OGT: variants seen among roughly 807,000 people sequenced by gnomAD.
OGT encodes the protein O-linked N-acetylglucosamine (GlcNAc) transferase, also known as UDP-N-acetylglucosamine--peptide N-acetylglucosaminyltransferase 110 kDa subunit.
OGT carries 3 observed loss-of-function variants against 75.8 expected under a neutral mutation model. The ratio of observed to expected loss-of-function variants is 0.04; its 90% CI spans 0.02 to 0.10. The LOEUF (loss-of-function observed/expected upper bound fraction) is 0.10. Ranked by LOEUF, OGT falls within the 10% of genes least tolerant of loss-of-function variation. The pLI, the probability that OGT is intolerant of heterozygous loss-of-function variation, is 1.00. For missense variants in OGT, 260 were observed against 824.4 expected, an observed-to-expected ratio of 0.32 and a Z score of 8.38; for synonymous variants, 257 against 289.7, an observed-to-expected ratio of 0.89 and a Z score of 1.15.
At chrX:71,551,069 T>A in intron 5 of OGT, among the ~76,000 whole-genome samples, 1 of 112,279 alleles carries the variant, frequency 8.9e-6, no homozygotes, top group East Asian at 2.8e-4. Flanking sequence ...AAAAAATAAG[T>A]TAGTGAGGTG....
intron 15 of OGT, among the ~76,000 whole-genome samples, chrX:71,562,183 G>T (rs1289119356): frequency 8.9e-6 from 1 of 112,584 alleles, no homozygotes; most frequent in Non-Finnish European, 1.9e-5. Context: ...TGAAATACAG[G>T]CCGGGTATGG....
chrX:71,533,173 C>T lies in OGT; in HGVS notation c.-127C>T. On this transcript the variant is annotated 5_prime_UTR_variant, in exon 1 of 22. Coordinates refer to ENST00000373719, the MANE Select transcript of OGT (RefSeq NM_181672.3). The stretch of plus-strand genomic sequence containing the variant: ...GTTTGAAGCCTGTAACTGCTGCCGC[C>T]GCTCAAGCCCTCCAGAGCATTGCTA... 9.4e-6 allele frequency: 6 copies of T among 635,793 alleles called. No individual in the cohort carries two copies. The highest frequency in any genetic ancestry group is 3.6e-5 in the East Asian group (1 of 28,027). 52.4% of individuals were successfully genotyped at this position (635,793 alleles called of 1,213,427 possible). A position where few individuals can be genotyped will look rare whatever the true frequency, so the allele number is the denominator to read the frequency against.
chrX:71,535,039 A>G (rs1375694362), intron 1 of OGT, among the ~76,000 whole-genome samples: 2 of 110,842 alleles, frequency 1.8e-5, no homozygotes, highest in African/African-American at 6.6e-5. Context: ...AGAATTAAAT[A>G]ATTTGTCCAT....
intron 5 of OGT, among the ~76,000 whole-genome samples, chrX:71,553,394 G>A (rs1446392569): frequency 8.9e-6 from 1 of 112,161 alleles, no homozygotes; most frequent in Non-Finnish European, 1.9e-5. Context: ...GCGCCCAGCA[G>A]ATGAAGTGTT....
At chrX:71,534,320 G>C (rs1257337038) in intron 1 of OGT, 1 of 111,090 alleles carries the variant, frequency 9.0e-6, no homozygotes, top group Non-Finnish European at 1.9e-5. Flanking sequence ...CTGGAGTGTA[G>C]CTGCACAAGT....
chrX:71,555,746 A>G (rs1479099238), intron 7 of OGT: 1 of 447,797 alleles, frequency 2.2e-6, no homozygotes, highest in Non-Finnish European at 3.6e-6. Context: ...AAAAACCAAA[A>G]AACAGCAAAA....
At chrX:71,546,542 TTC>T in intron 4 of OGT, 3 of 754,516 alleles carry the variant, frequency 4.0e-6, no homozygotes, top group Non-Finnish European at 4.7e-6. Context: ...TGCCTGAATC[TTC>T]TGTCTTGTGG....
chrX:71,559,236 T>G (rs1348898318), intron 12 of OGT, 31 bp from the exon 13 acceptor site: 1 of 1,186,732 alleles, frequency 8.4e-7, no homozygotes, highest in South Asian at 1.8e-5. Context: ...TTATGTAGAT[T>G]TTACTAACAA....
intron 19 of OGT, among the ~76,000 whole-genome samples, chrX:71,565,725 G>A (rs928502479): frequency 1.8e-5 from 2 of 112,396 alleles, no homozygotes; most frequent in African/African-American, 3.2e-5. Flanking sequence ...GCTGTTTCAC[G>A]TCTACTCAGC....
intron 5 of OGT, among the ~76,000 whole-genome samples, chrX:71,548,788 A>G (rs1185736072): frequency 1.8e-5 from 2 of 110,865 alleles, no homozygotes; most frequent in East Asian, 5.7e-4. Context: ...TGAGGGTACA[A>G]AAACTACTTA....
At position 71,536,298 on chromosome X, in the gene OGT, A is replaced by G. The variant is rs781353186; in HGVS notation, c.158A>G (p.Asp53Gly). 1 of 1,209,215 alleles carries G rather than the reference A, an allele frequency of 8.3e-7. No homozygotes were observed. The highest frequency in any genetic ancestry group is 1.1e-6 in the Non-Finnish European group (1 of 894,369). ...ATGCAGCTCTGGAGACAAGAGCCAG[A>G]CAATACTGGTGTGCTTTTATTACTT... ...HCMQLWRQEP[D>G]NTGVLLLLSS... Residue 53 changes from aspartate (D) to glycine (G), a missense_variant, in exon 2 of 22, where the codon GAC (aspartate) becomes GGC (glycine). This residue lies in a region of OGT where 38 missense variants were observed against 117.1 expected (regional missense o/e 0.32). Transcript: ENST00000373719.
intron 5 of OGT, 62 bp downstream of exon 5, chrX:71,548,085 G>A: frequency 9.3e-7 from 1 of 1,078,937 alleles, no homozygotes; most frequent in Non-Finnish European, 1.3e-6. Context: ...GTTTTTACTA[G>A]AACTAAATAA....
In OGT at chrX:71,574,477, C is replaced by T; in HGVS notation, c.*683C>T. 9.0e-6 allele frequency: 1 copy of T among 110,979 alleles called. No homozygotes were observed. The highest frequency in any genetic ancestry group is 1.9e-5 in the Non-Finnish European group (1 of 52,900). 9.1% of individuals were successfully genotyped at this position (110,979 alleles called of 1,213,427 possible). A position where few individuals can be genotyped will look rare whatever the true frequency, so the allele number is the denominator to read the frequency against. ...TTTTCTTCCCTGACCCCCATACCCT[C>T]ACCCTTAAAATTCTCCTGTAACTCA... is the stretch of plus-strand genomic sequence containing the variant. On this transcript the variant is annotated 3_prime_UTR_variant, in exon 22 of 22. Transcript: ENST00000373719.
intron 5 of OGT, among the ~76,000 whole-genome samples, chrX:71,552,893 C>T (rs986283058): frequency 4.3e-4 from 48 of 110,840 alleles, no homozygotes; most frequent in Admixed American, 4.0e-3. Context: ...TAAATAAGAT[C>T]AAACATGATA....
At position 71,564,733 on chromosome X, in the gene OGT, A is replaced by G; in HGVS notation, c.2569A>G (p.Thr857Ala). Reference protein sequence around the residue: ...FNQLYKIDPSTLQMWANILKR... With the variant: ...FNQLYKIDPSALQMWANILKR... ...TCAGTTGTATAAAATTGACCCTTCTACTTTGCAGATGTGGGCAAACGTGAG... is the reference window on the plus strand; with the variant it reads ...TCAGTTGTATAAAATTGACCCTTCTGCTTTGCAGATGTGGGCAAACGTGAG... The change falls in exon 19 of 22, where the codon ACT (threonine) becomes GCT (alanine). Residue 857 changes from threonine to alanine, a missense_variant. Coordinates refer to ENST00000373719, the MANE Select transcript of OGT (RefSeq NM_181672.3). 1 of 1,201,352 alleles carries G rather than the reference A, an allele frequency of 8.3e-7. No individual in the cohort carries two copies. Among genetic ancestry groups the G allele is most frequent in the Non-Finnish European group, 1.1e-6 (1 of 888,672 alleles).
chrX:71,565,052 G>A (rs1401508384), intron 19 of OGT, among the ~76,000 whole-genome samples: 4 of 111,619 alleles, frequency 3.6e-5, no homozygotes, highest in African/African-American at 1.3e-4. Context: ...CCAGCTACTC[G>A]GGAGGCTGAG....
At chrX:71,536,388 T>C (rs746476936) in intron 2 of OGT, 30 bp downstream of exon 2, 1 of 1,061,750 alleles carries the variant, frequency 9.4e-7, no homozygotes, top group East Asian at 3.4e-5. Flanking sequence ...CTGCTCGTGA[T>C]TGCTGCCTCT....
In OGT at chrX:71,547,907, G is replaced by A. The variant is rs759816022; in HGVS notation, c.532G>A (p.Ala178Thr). 8.3e-7 allele frequency: 1 copy of A among 1,198,871 alleles called. No homozygotes were observed. The highest frequency in any genetic ancestry group is 1.1e-6 in the Non-Finnish European group (1 of 891,661). Reference sequence around the variant, plus strand: ...TCTTCTTTCATTAACCCCTCCTAAGGCATGTTATTTGAAAGCAATTGAGAC... The same window carrying A: ...TCTTCTTTCATTAACCCCTCCTAAGACATGTTATTTGAAAGCAATTGAGAC... ...KALGRLEEAK[A>T]CYLKAIETQP... The change falls in exon 5 of 22, where the codon GCA becomes ACA. Residue 178 changes from alanine (A) to threonine (T), a missense_variant and splice_region_variant. Ala to Thr is a moderately conservative substitution (Grantham distance 58). Transcript: ENST00000373719.
chrX:71,544,913 A>C (rs1365645113), intron 4 of OGT: 2 of 290,884 alleles, frequency 6.9e-6, no homozygotes, highest in Admixed American at 5.0e-5. Context: ...GTGGGAATAA[A>C]TAACATTCCT....
Sources: allele counts gnomAD v4.1 joint callset (sites outside exome capture counted in the v4.1 genomes callset), GRCh38; gene constraint gnomAD v4.1.1; regional missense constraint gnomAD v4.1.1; transcripts MANE v1.5; gene names NCBI Gene and HGNC (gene_info 2026-07-23, HGNC 2026-07-21).